The following ZFP64 variants were observed in gnomAD, a reference collection of about 807,000 sequenced individuals.
ZFP64 encodes ZFP64 zinc finger protein, also known as zinc finger protein 64.
In ZFP64, 14 loss-of-function variants were observed where a neutral mutation model predicts 51.6. That is an observed-to-expected ratio of 0.27 (90% CI 0.18 to 0.42). The LOEUF (loss-of-function observed/expected upper bound fraction) is 0.42. Among genes scored for constraint, ZFP64 ranks in the 10% least tolerant of loss-of-function variants. The pLI is 1.00. For synonymous variants in ZFP64, 375 were observed against 361.4 expected, an observed-to-expected ratio of 1.04 and a Z score of -0.43; for missense variants, 754 against 906.8, an observed-to-expected ratio of 0.83 and a Z score of 2.16.
chr20:52,180,547 C>CCA (rs759407936), intron 2 of ZFP64, among the ~76,000 whole-genome samples: 13 of 87,184 alleles, frequency 1.5e-4, no homozygotes, highest in African/African-American at 6.1e-4. Flanking sequence ...CCAGAAATGG[C>CCA]AAAAAAAAAA....
chr20:52,144,371 A>G (rs1463457539), intron 5 of ZFP64, among the ~76,000 whole-genome samples: 1 of 142,656 alleles, frequency 7.0e-6, no homozygotes, highest in Non-Finnish European at 1.6e-5. Flanking sequence ...CGAGGTCAAG[A>G]GATCAAGACT....
At chr20:52,119,998 A>G (rs1481026727) in intron 5 of ZFP64, among the ~76,000 whole-genome samples, 2 of 152,068 alleles carry the variant, frequency 1.3e-5, no homozygotes, top group Non-Finnish European at 2.9e-5. Context: ...TAACCCCCAC[A>G]TGATGGTATT....
At position 52,125,982 on chromosome 20, in the gene ZFP64, A is replaced by G. The variant is rs141977557; in HGVS notation, c.764-27395T>C. On this transcript the variant is annotated intron_variant, in intron 5 of 8. Coordinates refer to the ZFP64 transcript ENST00000361387. ...CTGCAACCTCCGCGCCCTGGGTTCAAGTGATTCTCCTGTGTTCAAGTGATT... is the reference window on the plus strand; with the variant it reads ...CTGCAACCTCCGCGCCCTGGGTTCAGGTGATTCTCCTGTGTTCAAGTGATT... Among the ~76,000 whole-genome samples the G allele has an allele frequency of 6.9e-3, 1,052 of 152,056 alleles. 12 individuals carry two copies. Among genetic ancestry groups the G allele is most frequent in the African/African-American group, 0.024 (999 of 41,430 alleles).
At chr20:52,088,683 T>C in intron 7 of ZFP64, 1 of 1,611,776 alleles carries the variant, frequency 6.2e-7, no homozygotes, top group Non-Finnish European at 8.5e-7. Flanking sequence ...GGTTTTTTGG[T>C]CAAGATGGCT....
Position 52,160,107 on chromosome 20 carries a change from A to G in ZFP64, c.763+16T>C. 1 of 1,614,232 alleles carries G rather than the reference A, an allele frequency of 6.2e-7. No homozygotes were observed. The highest frequency in any genetic ancestry group is 1.3e-5 in the African/African-American group (1 of 75,072). On this transcript the variant is annotated intron_variant, in intron 5 of 5. Coordinates refer to ENST00000216923, the MANE Select transcript of ZFP64 (RefSeq NM_018197.3). The surrounding 1 kb of genome is among the most constrained non-coding windows in gnomAD (Gnocchi z 4.2). ...AAAGTGAGGAGCGTAGAGAGCAAAT[A>G]ACAGGCAGGACTCACCCGTGTGGGA...
chr20:52,135,989 C>T (rs2091783106), intron 5 of ZFP64, among the ~76,000 whole-genome samples: 1 of 149,156 alleles, frequency 6.7e-6, no homozygotes, highest in South Asian at 2.1e-4. Flanking sequence ...GTCCCAGCTA[C>T]TCAGGAGACT....
At chr20:52,137,930 C>A (rs1388268702) in intron 5 of ZFP64, among the ~76,000 whole-genome samples, 3 of 152,026 alleles carry the variant, frequency 2.0e-5, no homozygotes, top group Non-Finnish European at 4.4e-5. Flanking sequence ...AATCCCAGCA[C>A]TCTGGGAGGC....
chr20:52,153,274 G>T lies in ZFP64; in HGVS notation c.918C>A (p.Ile306=). The stretch of plus-strand genomic sequence containing the variant: ...AGTTATTCCCGCTGTGCTTGATACG[G>T]ATGTGCGACTTGAGGTTCCCCTTCA... ...CTMKGNLKSH[I]RIKHSGNNFK... The change falls in exon 6 of 6, where the codon ATC becomes ATA. Residue 306 remains isoleucine (I), a synonymous_variant. Coordinates refer to ENST00000216923, the MANE Select transcript of ZFP64 (RefSeq NM_018197.3). The surrounding 1 kb of genome is among the most constrained non-coding windows in gnomAD (Gnocchi z 5.1). The T allele has an allele frequency of 1.2e-6, 2 of 1,614,242 alleles. No homozygotes were observed. The highest frequency in any genetic ancestry group is 1.7e-6 in the Non-Finnish European group (2 of 1,180,048).
chr20:52,163,147 C>T (rs1016389572), intron 4 of ZFP64, among the ~76,000 whole-genome samples: 1 of 152,044 alleles, frequency 6.6e-6, no homozygotes, highest in Non-Finnish European at 1.5e-5. Flanking sequence ...GATCACCCAA[C>T]GTCGGGAGTT....
intron 4 of ZFP64, 21 bp downstream of exon 4, chr20:52,164,674 C>T (rs536790641): frequency 3.7e-6 from 6 of 1,609,292 alleles, no homozygotes; most frequent in South Asian, 1.1e-5. Context: ...AGGGCATATG[C>T]GCTAAAGAAA....
At chr20:52,122,773 GA>G (rs1979256874) in intron 5 of ZFP64, among the ~76,000 whole-genome samples, 1 of 152,138 alleles carries the variant, frequency 6.6e-6, no homozygotes, top group African/African-American at 2.4e-5. Flanking sequence ...GAGATAGCAA[GA>G]GAACTGGAAT....
intron 5 of ZFP64, among the ~76,000 whole-genome samples, chr20:52,159,158 G>T (rs1179258767): frequency 6.6e-6 from 1 of 152,180 alleles, no homozygotes; most frequent in African/African-American, 2.4e-5. Flanking sequence ...CTGACCTAAA[G>T]TATGTTAGCA....
intron 2 of ZFP64, among the ~76,000 whole-genome samples, chr20:52,170,632 A>G (rs1982645150): frequency 6.6e-6 from 1 of 152,190 alleles, no homozygotes; most frequent in African/African-American, 2.4e-5. Context: ...CAGTTTCTTT[A>G]CCTGGAGAAT....
At chr20:52,120,978 A>G (rs1979161702) in intron 5 of ZFP64, among the ~76,000 whole-genome samples, 1 of 152,102 alleles carries the variant, frequency 6.6e-6, no homozygotes, top group Non-Finnish European at 1.5e-5. Context: ...CACCCAGTCC[A>G]TGATCAGTGA....
At chr20:52,121,992 C>T (rs1191843428) in intron 5 of ZFP64, among the ~76,000 whole-genome samples, 1 of 152,168 alleles carries the variant, frequency 6.6e-6, no homozygotes, top group African/African-American at 2.4e-5. Context: ...GATGACAGCA[C>T]CTCTGTTTAC....
intron 5 of ZFP64, among the ~76,000 whole-genome samples, chr20:52,137,402 C>T (rs1980032013): frequency 6.6e-6 from 1 of 152,022 alleles, no homozygotes; most frequent in African/African-American, 2.4e-5. Context: ...CTTTTCATCT[C>T]CACCAGAACA....
rs779894538 is a variant in ZFP64 at position 52,152,136 on chromosome 20, T to C, written c.*10A>G. The stretch of plus-strand genomic sequence containing the variant: ...ATTCCTTTCCCCCACTCCTTTTGTT[T>C]TTTTAAGCACTAATCTGGAATGGAG... On this transcript the variant is annotated 3_prime_UTR_variant, in exon 6 of 6. Coordinates refer to ENST00000216923, the MANE Select transcript of ZFP64 (RefSeq NM_018197.3). The C allele has an allele frequency of 3.5e-5, 56 of 1,604,072 alleles. No homozygotes were observed. The highest frequency in any genetic ancestry group is 3.3e-4 in the Middle Eastern group (2 of 6,032).
Position 52,108,904 on chromosome 20 carries a change from A to AC in ZFP64, c.764-10318_764-10317insG, listed in dbSNP as rs56412413. On this transcript the variant is annotated intron_variant, in intron 5 of 8. Coordinates refer to the ZFP64 transcript ENST00000361387. ...CACACACACACACACACACACACACAAACTTACAGGGTCTACAGATATAAA... is the reference window on the plus strand; with the variant it reads ...CACACACACACACACACACACACACACAACTTACAGGGTCTACAGATATAAA... Among the ~76,000 whole-genome samples, 27 of 147,186 alleles carry AC rather than the reference A, an allele frequency of 1.8e-4. No homozygotes were observed. The South Asian group carries it at 2.0e-3, about 11-fold the overall frequency.
chr20:52,110,719 A>G, intron 5 of ZFP64: 4 of 1,589,662 alleles, frequency 2.5e-6, no homozygotes, highest in Non-Finnish European at 3.4e-6. Flanking sequence ...GATGGCTCCA[A>G]CCTTAACTGC....
Sources: allele counts gnomAD v4.1 joint callset (sites outside exome capture counted in the v4.1 genomes callset), GRCh38; gene constraint gnomAD v4.1.1; non-coding constraint Gnocchi (gnomAD v3.1); transcripts MANE v1.5; gene names NCBI Gene and HGNC (gene_info 2026-07-23, HGNC 2026-07-21).